WIPI2: variants seen among roughly 807,000 people sequenced by gnomAD.
WIPI2 encodes the protein WD repeat domain phosphoinositide-interacting protein 2.
A neutral mutation model predicts 52.3 loss-of-function variants in WIPI2; 28 were observed. The observed-to-expected ratio is 0.54, with a 90% CI of 0.40 to 0.73. The LOEUF is 0.73. Ranked by LOEUF, WIPI2 falls within the 30% of genes least tolerant of loss-of-function variation. The pLI, the probability that WIPI2 is intolerant of heterozygous loss-of-function variation, is 0.00. For synonymous variants in WIPI2, 268 were observed against 245.0 expected, an observed-to-expected ratio of 1.09 and a Z score of -0.88; for missense variants, 506 against 602.9, an observed-to-expected ratio of 0.84 and a Z score of 1.68.
chr7:5,199,851 T>G (rs781206724), intron 3 of WIPI2, among the ~76,000 whole-genome samples, 193 bp downstream of exon 3: 5 of 152,214 alleles, frequency 3.3e-5, no homozygotes, highest in Non-Finnish European at 5.9e-5. Context: ...ATCTGTGCAT[T>G]TGCCTACATA....
intron 3 of WIPI2, among the ~76,000 whole-genome samples, chr7:5,204,001 T>C (rs1022045925): frequency 3.9e-5 from 6 of 152,088 alleles, no homozygotes; most frequent in African/African-American, 1.4e-4. Context: ...AGTCAATACA[T>C]CTGTGCAGTC....
intron 7 of WIPI2, among the ~76,000 whole-genome samples, chr7:5,220,852 G>T (rs1162132115): frequency 6.6e-6 from 1 of 151,912 alleles, no homozygotes; most frequent in Non-Finnish European, 1.5e-5. Context: ...GGAGTGCAAT[G>T]GCGCGATCTC....
intron 7 of WIPI2, among the ~76,000 whole-genome samples, chr7:5,219,538 T>C (rs560231387): frequency 3.3e-5 from 5 of 152,210 alleles, no homozygotes; most frequent in Non-Finnish European, 7.3e-5. Flanking sequence ...CAGCAAGGCC[T>C]TCCCAGCCCC....
chr7:5,191,977 T>G (rs993349607), intron 1 of WIPI2, among the ~76,000 whole-genome samples: 2 of 152,102 alleles, frequency 1.3e-5, no homozygotes, highest in Non-Finnish European at 2.9e-5. Context: ...TTGGAATTGG[T>G]TAATAGTGGA....
Position 5,230,341 on chromosome 7 carries a change from A to C in WIPI2, c.1253-494A>C, listed in dbSNP as rs577044963. Among the ~76,000 whole-genome samples the C allele has an allele frequency of 1.3e-4, 20 of 152,338 alleles. No individual in the cohort carries two copies. Among genetic ancestry groups the C allele is most frequent in the African/African-American group, 4.1e-4 (17 of 41,568 alleles). ...CCGGCGGCAGCACTAAGACCCATGC[A>C]TGAGATCCTCCAGCCACAGCCTTGG... is the stretch of plus-strand genomic sequence containing the variant. On this transcript the variant is annotated intron_variant, in intron 12 of 12. Coordinates refer to ENST00000288828, the MANE Select transcript of WIPI2 (RefSeq NM_015610.4). The surrounding 1 kb of genome is among the most constrained non-coding windows in gnomAD (Gnocchi z 4.8).
At chr7:5,222,240 C>T (rs1389427272) in intron 7 of WIPI2, among the ~76,000 whole-genome samples, 1 of 152,222 alleles carries the variant, frequency 6.6e-6, no homozygotes, top group South Asian at 2.1e-4. Context: ...TGAGCCACCA[C>T]GCCCGGCCCA....
intron 3 of WIPI2, among the ~76,000 whole-genome samples, chr7:5,209,777 G>A (rs1470089228): frequency 1.3e-5 from 2 of 152,070 alleles, no homozygotes; most frequent in Admixed American, 6.6e-5. Context: ...CAGGCAAGCA[G>A]TCTCAACCAT....
intron 3 of WIPI2, among the ~76,000 whole-genome samples, chr7:5,213,914 C>T (rs4720533): frequency 0.83 from 126,289 of 152,124 alleles, 52,425 homozygotes; most frequent in East Asian, 0.95. Flanking sequence ...CTTAATCTCC[C>T]GACCTTGTGA....
intron 3 of WIPI2, among the ~76,000 whole-genome samples, chr7:5,211,538 G>A (rs1016436751): frequency 2.0e-5 from 3 of 152,160 alleles, no homozygotes; most frequent in Admixed American, 1.3e-4. Context: ...GTGTTTATGC[G>A]GGGTCACAAA....
chr7:5,218,359 A>G (rs1337792792), intron 7 of WIPI2: 1 of 207,166 alleles, frequency 4.8e-6, no homozygotes, highest in East Asian at 1.2e-4. Context: ...ATGAAATGTG[A>G]AAAAGCAAAG....
chr7:5,219,835 G>GT (rs112254073), intron 7 of WIPI2, among the ~76,000 whole-genome samples: 5,495 of 144,306 alleles, frequency 0.038, 184 homozygotes, highest in African/African-American at 0.09. Context: ...TCAAGTACCA[G>GT]TTTTTTTTTT....
chr7:5,221,912 A>G (rs1019885789), intron 7 of WIPI2, among the ~76,000 whole-genome samples: 2 of 151,860 alleles, frequency 1.3e-5, no homozygotes, highest in East Asian at 3.9e-4. Flanking sequence ...GTCAGACCAC[A>G]AGGTCTTGCC....
chr7:5,226,230 C>T (rs1248328494), intron 9 of WIPI2: 6 of 350,772 alleles, frequency 1.7e-5, no homozygotes, highest in Non-Finnish European at 3.2e-5. Context: ...TCAGGTTCCC[C>T]TCACGACAAA....
In WIPI2 at chr7:5,199,602, G is replaced by T; in HGVS notation, c.155G>T (p.Gly52Val). Residue 52 changes from glycine to valine, a missense_variant, in exon 3 of 13, where the codon GGT (glycine) becomes GTT (valine). Around this residue, in one of 4 missense-constraint regions of WIPI2, gnomAD observed 60 missense variants for 49.7 expected, o/e 1.21. Transcript: ENST00000288828. The stretch of plus-strand genomic sequence containing the variant: ...TCCCTAGCTGTTGGTAGTAAGTCCG[G>T]TTATAAATTTTTCTCCCTTTCTTCT... Reference protein sequence around the residue: ...VWSLAVGSKSGYKFFSLSSVD... With the variant: ...VWSLAVGSKSVYKFFSLSSVD... The T allele has an allele frequency of 6.2e-7, 1 of 1,613,398 alleles. No individual in the cohort carries two copies. The highest frequency in any genetic ancestry group is 8.5e-7 in the Non-Finnish European group (1 of 1,179,920).
At chr7:5,210,168 C>G (rs980372819) in intron 3 of WIPI2, among the ~76,000 whole-genome samples, 1 of 152,242 alleles carries the variant, frequency 6.6e-6, no homozygotes, top group African/African-American at 2.4e-5. Context: ...CTCAGCCTCC[C>G]AAAGTGATGG....
At chr7:5,225,181 C>G (rs1340561220) in intron 8 of WIPI2, among the ~76,000 whole-genome samples, 2 of 151,782 alleles carry the variant, frequency 1.3e-5, no homozygotes, top group African/African-American at 4.8e-5. Context: ...CACTCTGTCG[C>G]CCAGGCTGGA....
intron 6 of WIPI2, chr7:5,217,697 T>C: frequency 1.8e-6 from 1 of 553,636 alleles, no homozygotes; most frequent in African/African-American, 1.9e-5. Flanking sequence ...CGGGAATGTT[T>C]GAAGGAACAT....
At chr7:5,203,789 TTGTG>T (rs1340231275) in intron 3 of WIPI2, among the ~76,000 whole-genome samples, 9 of 151,728 alleles carry the variant, frequency 5.9e-5, no homozygotes, top group Admixed American at 5.9e-4. Flanking sequence ...CTGATTTTTT[TTGTG>T]TGTGTATTTT....
chr7:5,194,927 A>G (rs1313036045), intron 2 of WIPI2, among the ~76,000 whole-genome samples: 3 of 152,196 alleles, frequency 2.0e-5, no homozygotes, highest in Admixed American at 6.5e-5. Context: ...AATCCCCTCC[A>G]GGCTCAGGAA....
Sources: allele counts gnomAD v4.1 joint callset (sites outside exome capture counted in the v4.1 genomes callset), GRCh38; gene constraint gnomAD v4.1.1; regional missense constraint gnomAD v4.1.1; non-coding constraint Gnocchi (gnomAD v3.1); transcripts MANE v1.5; gene names NCBI Gene and HGNC (gene_info 2026-07-23, HGNC 2026-07-21).